The following PDE4B variants were observed in gnomAD, a reference collection of about 807,000 sequenced individuals.
PDE4B encodes the protein phosphodiesterase 4B, also known as 3',5'-cyclic-AMP phosphodiesterase 4B.
Under a neutral mutation model 82.2 loss-of-function variants are expected in PDE4B, and 20 were observed. The ratio of observed to expected loss-of-function variants is 0.24; its 90% CI spans 0.17 to 0.35. PDE4B has a LOEUF of 0.35. Among genes scored for constraint, PDE4B ranks in the 10% least tolerant of loss-of-function variants. The pLI, the probability that PDE4B is intolerant of heterozygous loss-of-function variation, is 1.00. For synonymous variants in PDE4B, 320 were observed against 318.9 expected, an observed-to-expected ratio of 1.00 and a Z score of -0.04; for missense variants, 655 against 907.2, an observed-to-expected ratio of 0.72 and a Z score of 3.57.
At chr1:65,923,863 TA>T (rs1187437955) in intron 3 of PDE4B, among the ~76,000 whole-genome samples, 1 of 152,102 alleles carries the variant, frequency 6.6e-6, no homozygotes, top group Admixed American at 6.5e-5. Flanking sequence ...TATGTAAATT[TA>T]TATCTTCCTT....
intron 1 of PDE4B, among the ~76,000 whole-genome samples, chr1:65,810,008 C>G (rs1229537298): frequency 1.3e-5 from 2 of 152,200 alleles, no homozygotes; most frequent in Non-Finnish European, 2.9e-5. Flanking sequence ...GTAATTGCAG[C>G]CAAGGGCTGC....
chr1:66,297,585 T>G (rs1001516946), intron 7 of PDE4B, among the ~76,000 whole-genome samples: 2 of 152,158 alleles, frequency 1.3e-5, no homozygotes, highest in African/African-American at 4.8e-5. Context: ...TACTTTCTCA[T>G]GCATTTATCC....
intron 3 of PDE4B, chr1:66,050,490 C>T (rs1461715821): frequency 1.3e-5 from 2 of 152,210 alleles, no homozygotes; most frequent in African/African-American, 2.4e-5. Context: ...TGTATGCACA[C>T]ACACACACCT....
chr1:65,888,049 T>G (rs573207441), intron 1 of PDE4B, among the ~76,000 whole-genome samples: 1 of 152,142 alleles, frequency 6.6e-6, no homozygotes, highest in African/African-American at 2.4e-5. Flanking sequence ...GTGTTTCTCC[T>G]TTGTTTTCTT....
At chr1:65,811,023 C>G (rs549969688) in intron 1 of PDE4B, among the ~76,000 whole-genome samples, 1 of 152,296 alleles carries the variant, frequency 6.6e-6, no homozygotes, top group Non-Finnish European at 1.5e-5. Context: ...TCCCTGGCCT[C>G]TACCAACTAG....
chr1:65,812,251 G>T (rs1645829115), intron 1 of PDE4B, among the ~76,000 whole-genome samples: 1 of 152,132 alleles, frequency 6.6e-6, no homozygotes, highest in South Asian at 2.1e-4. Flanking sequence ...TCTGTTCTTG[G>T]CTTTCAGTTT....
intron 3 of PDE4B, among the ~76,000 whole-genome samples, chr1:66,068,832 C>CAAAT (rs1656004222): frequency 6.6e-6 from 1 of 151,872 alleles, no homozygotes; most frequent in Non-Finnish European, 1.5e-5. Context: ...CTTAATTGTA[C>CAAAT]AACTACAAAT....
intron 7 of PDE4B, among the ~76,000 whole-genome samples, chr1:66,285,347 T>C (rs1396008945): frequency 6.6e-6 from 1 of 152,192 alleles, no homozygotes; most frequent in Non-Finnish European, 1.5e-5. Flanking sequence ...TTTTAACTTT[T>C]GATTTTTAAA....
At chr1:65,989,480 G>A (rs979425788) in intron 3 of PDE4B, among the ~76,000 whole-genome samples, 1 of 152,110 alleles carries the variant, frequency 6.6e-6, no homozygotes, top group East Asian at 1.9e-4. Flanking sequence ...GACACAGCGA[G>A]ACACTGTCTA....
chr1:65,877,164 A>G (rs1349596044), intron 1 of PDE4B, among the ~76,000 whole-genome samples: 1 of 152,196 alleles, frequency 6.6e-6, no homozygotes, highest in African/African-American at 2.4e-5. Flanking sequence ...CTACAAGGCT[A>G]CAGTAACCAA....
intron 3 of PDE4B, among the ~76,000 whole-genome samples, chr1:65,961,966 A>G (rs570551170): frequency 1.1e-4 from 17 of 152,304 alleles, no homozygotes; most frequent in South Asian, 8.3e-4. Flanking sequence ...ATGCTTCTCC[A>G]CTTATAATGA....
rs374452781 is a variant in PDE4B, at chr1:65,859,151, T to A, written c.-70-54094T>A. Among the ~76,000 whole-genome samples the A allele has an allele frequency of 4.6e-5, 7 of 152,262 alleles. No homozygotes were observed. The East Asian group carries it at 9.6e-4, about 21-fold the overall frequency. ...ATGGGTTCCCTGGATCTTTGAGAAC[T>A]TATTTTTGGTTATCCATGAGTACAG... On this transcript the variant is annotated intron_variant, in intron 1 of 16. Coordinates refer to ENST00000341517, the MANE Select transcript of PDE4B (RefSeq NM_002600.4).
At chr1:66,192,700 A>T (rs1197265713) in intron 3 of PDE4B, among the ~76,000 whole-genome samples, 1 of 152,166 alleles carries the variant, frequency 6.6e-6, no homozygotes, top group East Asian at 1.9e-4. Context: ...ATTGTCCTAA[A>T]AAAGAGTCCC....
intron 7 of PDE4B, among the ~76,000 whole-genome samples, chr1:66,316,666 A>C (rs1161811243): frequency 6.6e-6 from 1 of 152,236 alleles, no homozygotes; most frequent in Non-Finnish European, 1.5e-5. Flanking sequence ...CAAACACTGA[A>C]ATCTTTAATC....
intron 3 of PDE4B, among the ~76,000 whole-genome samples, chr1:65,964,576 T>C (rs1408889651): frequency 6.6e-6 from 1 of 152,174 alleles, no homozygotes; most frequent in East Asian, 1.9e-4. Context: ...AGGACATGAG[T>C]CTAAGTAATA....
chr1:65,966,896 T>A (rs982508786), intron 3 of PDE4B, among the ~76,000 whole-genome samples: 7 of 152,142 alleles, frequency 4.6e-5, no homozygotes, highest in Non-Finnish European at 8.8e-5. Context: ...TCAAGATGGA[T>A]TAAAGACTTA....
chr1:66,312,476 T>C (rs1416704303), intron 7 of PDE4B, among the ~76,000 whole-genome samples: 1 of 152,216 alleles, frequency 6.6e-6, no homozygotes, highest in African/African-American at 2.4e-5. Flanking sequence ...CTTTCTCACC[T>C]TCCGTCACTG....
chr1:66,278,956 A>G (rs1656088785), intron 7 of PDE4B, among the ~76,000 whole-genome samples: 2 of 152,064 alleles, frequency 1.3e-5, no homozygotes, highest in African/African-American at 2.4e-5. Flanking sequence ...TGTCAACACA[A>G]TGGGTCTCTG....
At chr1:65,879,635 T>TA (rs1449804965) in intron 1 of PDE4B, among the ~76,000 whole-genome samples, 1 of 152,162 alleles carries the variant, frequency 6.6e-6, no homozygotes, top group African/African-American at 2.4e-5. Context: ...GGTAGGCATT[T>TA]AGGCACAGGC....
Sources: gnomAD v4.1 joint callset for allele counts (sites outside exome capture counted in the v4.1 genomes callset) on GRCh38, gnomAD v4.1.1 for gene constraint, MANE v1.5 for transcripts, NCBI Gene and HGNC (gene_info 2026-07-23, HGNC 2026-07-21) for gene names.